Variants in ASPH observed in about 807,000 individuals in gnomAD.
The protein encoded by ASPH is aspartyl/asparaginyl beta-hydroxylase.
Under a neutral mutation model 118.4 loss-of-function variants are expected in ASPH, and 100 were observed. The ratio of observed to expected loss-of-function variants is 0.84; its 90% CI spans 0.72 to 1.00. The LOEUF is 1.00. Ranked by LOEUF, ASPH falls within the 50% of genes least tolerant of loss-of-function variation. The pLI is 0.00. For missense variants in ASPH, 920 were observed against 919.5 expected (o/e 1.00, Z -0.01); for synonymous variants, 315 against 325.6 (o/e 0.97, Z 0.35).
intron 16 of ASPH, among the ~76,000 whole-genome samples, chr8:61,568,080 G>A (rs1354034796): frequency 1.3e-5 from 2 of 152,174 alleles, no homozygotes; most frequent in Admixed American, 6.5e-5. Flanking sequence ...GAGGCCATGA[G>A]GTAAAGTAGG....
intron 22 of ASPH, among the ~76,000 whole-genome samples, chr8:61,523,816 G>C (rs75806933): frequency 6.6e-6 from 1 of 151,570 alleles, no homozygotes; most frequent in African/African-American, 2.4e-5. Flanking sequence ...CAGGCTGAGT[G>C]GAGTGGCTTA....
At chr8:61,526,192 G>T in intron 21 of ASPH, 80 bp from the exon 22 acceptor site, 4 of 1,548,342 alleles carry the variant, frequency 2.6e-6, no homozygotes, top group Non-Finnish European at 3.5e-6. Flanking sequence ...TTTTTTTGAG[G>T]TTCGTCTCAG....
Position 61,670,007 on chromosome 8 carries a change from C to T in ASPH, c.322+10961G>A, listed in dbSNP as rs1043874923. On this transcript the variant is annotated intron_variant, in intron 3 of 24. Coordinates refer to ENST00000379454, the MANE Select transcript of ASPH (RefSeq NM_004318.4). ...ATGAACACATGAACAAAGTGCAATG[C>T]ATGATATAAAACTCCAAAGGATCAT... Among the ~76,000 whole-genome samples, 10 of 152,100 alleles carry T rather than the reference C, an allele frequency of 6.6e-5. 1 individual carries two copies. The highest frequency in any genetic ancestry group is 2.4e-4 in the African/African-American group (10 of 41,430).
At chr8:61,713,623 G>C (rs1348291405) in intron 1 of ASPH, among the ~76,000 whole-genome samples, 1 of 152,180 alleles carries the variant, frequency 6.6e-6, no homozygotes, top group Admixed American at 6.5e-5. Context: ...GGAGAAAGGT[G>C]AATATCCAAT....
At chr8:61,691,098 TA>T (rs1190932104) in intron 1 of ASPH, among the ~76,000 whole-genome samples, 15 of 152,212 alleles carry the variant, frequency 9.9e-5, no homozygotes, top group Non-Finnish European at 2.1e-4. Flanking sequence ...CACTAAATTA[TA>T]GAAGGGATTC....
In ASPH at chr8:61,676,272, C is replaced by T. The variant is rs776234667; in HGVS notation, c.322+4696G>A. The T allele has an allele frequency of 1.6e-5, 25 of 1,589,458 alleles. No homozygotes were observed. In the East Asian group the frequency reaches 5.4e-4, roughly 34 times the overall value. ...CTTTCCTCTGCTAAAATATTAAGGACTTCCTCAAGAGAATCAATATTTTCA... is the reference window on the plus strand; with the variant it reads ...CTTTCCTCTGCTAAAATATTAAGGATTTCCTCAAGAGAATCAATATTTTCA... On this transcript the variant is annotated intron_variant, in intron 3 of 24. Coordinates refer to ENST00000379454, the MANE Select transcript of ASPH (RefSeq NM_004318.4).
chr8:61,594,969 G>A (rs1269256360), intron 14 of ASPH, among the ~76,000 whole-genome samples: 1 of 152,172 alleles, frequency 6.6e-6, no homozygotes, highest in Non-Finnish European at 1.5e-5. Context: ...TTTGACCGAT[G>A]TTTGTTCAGA....
intron 21 of ASPH, among the ~76,000 whole-genome samples, chr8:61,547,124 A>G (rs1824183401): frequency 6.6e-6 from 1 of 152,234 alleles, no homozygotes; most frequent in African/African-American, 2.4e-5. Context: ...ATTAACTGTG[A>G]GTCTCATTTT....
At chr8:61,686,056 A>G (rs573514067) in intron 1 of ASPH, among the ~76,000 whole-genome samples, 1 of 152,272 alleles carries the variant, frequency 6.6e-6, no homozygotes, top group South Asian at 2.1e-4. Context: ...TTAAAACGTC[A>G]AGTAATTCCT....
At chr8:61,711,174 A>G (rs1487004594) in intron 1 of ASPH, among the ~76,000 whole-genome samples, 7 of 152,208 alleles carry the variant, frequency 4.6e-5, no homozygotes, top group African/African-American at 2.4e-5. Context: ...AAGTTAATGT[A>G]GTAGCAGGAC....
chr8:61,638,245 G>A (rs900145408), intron 11 of ASPH, 77 bp downstream of exon 11: 2 of 1,513,702 alleles, frequency 1.3e-6, no homozygotes, highest in East Asian at 2.3e-5. Context: ...CTGACTCTTT[G>A]TTCCACAGGT....
intron 3 of ASPH, chr8:61,661,669 CTTCTT>C (rs1816985450): frequency 3.4e-6 from 1 of 292,640 alleles, no homozygotes; most frequent in Non-Finnish European, 6.3e-6. Flanking sequence ...CACTTGTTTA[CTTCTT>C]TTCTTTTTCA....
chr8:61,654,082 T>C (rs976745179), intron 3 of ASPH, among the ~76,000 whole-genome samples: 6 of 152,216 alleles, frequency 3.9e-5, no homozygotes, highest in African/African-American at 1.4e-4. Flanking sequence ...TTTTCACTTA[T>C]ATAATTATTT....
chr8:61,597,070 A>T (rs1842689975), intron 14 of ASPH, among the ~76,000 whole-genome samples: 1 of 152,104 alleles, frequency 6.6e-6, no homozygotes, highest in South Asian at 2.1e-4. Flanking sequence ...CTCAACCGGG[A>T]ACTAAAGAAT....
At chr8:61,688,012 T>C (rs1193040923) in intron 1 of ASPH, among the ~76,000 whole-genome samples, 1 of 152,196 alleles carries the variant, frequency 6.6e-6, no homozygotes, top group Non-Finnish European at 1.5e-5. Context: ...ACTCTTGATA[T>C]GTCATTTGGT....
chr8:61,562,667 G>T (rs1830413093), intron 18 of ASPH, 77 bp downstream of exon 18: 3 of 1,331,532 alleles, frequency 2.3e-6, no homozygotes, highest in Non-Finnish European at 2.0e-6. Flanking sequence ...AATAAAGAGA[G>T]ACTGGGTATA....
At chr8:61,531,134 C>G (rs781401000) in intron 21 of ASPH, among the ~76,000 whole-genome samples, 1 of 152,142 alleles carries the variant, frequency 6.6e-6, no homozygotes, top group Non-Finnish European at 1.5e-5. Context: ...TTGTAATGCA[C>G]TTCATACTAT....
chr8:61,713,413 T>A (rs1250992321), intron 1 of ASPH, among the ~76,000 whole-genome samples: 1 of 152,238 alleles, frequency 6.6e-6, no homozygotes, highest in Non-Finnish European at 1.5e-5. Flanking sequence ...TATGAATGCA[T>A]GATCTGAAGA....
chr8:61,696,219 A>C (rs79259634), intron 1 of ASPH, among the ~76,000 whole-genome samples: 4,378 of 152,310 alleles, frequency 0.029, 102 homozygotes, highest in Non-Finnish European at 0.046. Context: ...CTGTGTAGAA[A>C]GGCACCATGG....
Sources: gnomAD v4.1 joint callset for allele counts (sites outside exome capture counted in the v4.1 genomes callset) on GRCh38, gnomAD v4.1.1 for gene constraint, MANE v1.5 for transcripts, NCBI Gene and HGNC (gene_info 2026-07-23, HGNC 2026-07-21) for gene names.